The following TENM2 variants were observed in gnomAD, a reference collection of about 807,000 sequenced individuals.
TENM2 encodes the protein teneurin-2.
A neutral mutation model predicts 245.2 loss-of-function variants in TENM2; 52 were observed. The observed-to-expected ratio is 0.21, with a 90% CI of 0.17 to 0.27. The LOEUF (loss-of-function observed/expected upper bound fraction) is 0.27, where lower values mean the gene tolerates loss of function less well. TENM2 is among the 10% of genes least tolerant of loss of function. TENM2 has a pLI of 1.00. For missense variants in TENM2, 3,046 were observed against 3,666.8 expected (o/e 0.83, Z 4.37); for synonymous variants, 1,363 against 1,438.9 (o/e 0.95, Z 1.19).
chr5:168,084,849 C>G (rs914212277), intron 7 of TENM2, among the ~76,000 whole-genome samples: 2 of 152,232 alleles, frequency 1.3e-5, no homozygotes, highest in African/African-American at 4.8e-5. Flanking sequence ...TCCCTGTCCT[C>G]AGGCCAGCCT....
intron 2 of TENM2, among the ~76,000 whole-genome samples, chr5:167,632,944 A>G (rs796212947): frequency 3.3e-5 from 5 of 152,334 alleles, no homozygotes; most frequent in African/African-American, 1.2e-4. Context: ...TTTCTGAAGT[A>G]AAATGAACAG....
chr5:167,377,783 A>G (rs1760852853), intron 2 of TENM2, among the ~76,000 whole-genome samples: 1 of 152,144 alleles, frequency 6.6e-6, no homozygotes, highest in Admixed American at 6.5e-5. Flanking sequence ...ATGTATTATC[A>G]TATAGATTGA....
chr5:167,801,517 G>T (rs1429122026), intron 2 of TENM2, among the ~76,000 whole-genome samples: 1 of 152,080 alleles, frequency 6.6e-6, no homozygotes, highest in Non-Finnish European at 1.5e-5. Context: ...AGGATGGAGA[G>T]AATGGAGCTA....
intron 2 of TENM2, among the ~76,000 whole-genome samples, chr5:167,515,669 G>GTATATA: frequency 6.3e-5 from 5 of 78,826 alleles, no homozygotes; most frequent in African/African-American, 2.1e-4. Flanking sequence ...ACGTATATAT[G>GTATATA]TGTATATATA....
intron 2 of TENM2, among the ~76,000 whole-genome samples, chr5:167,526,176 T>G (rs968324489): frequency 6.6e-6 from 1 of 151,910 alleles, no homozygotes; most frequent in African/African-American, 2.4e-5. Flanking sequence ...GTCTAGTGCC[T>G]TCATGAACAG....
At chr5:167,847,435 A>G (rs1174725869) in intron 2 of TENM2, among the ~76,000 whole-genome samples, 1 of 152,188 alleles carries the variant, frequency 6.6e-6, no homozygotes, top group Non-Finnish European at 1.5e-5. Context: ...CATTTTTTCT[A>G]TCACTTCTAT....
At chr5:167,342,077 A>G (rs954891321) in intron 1 of TENM2, among the ~76,000 whole-genome samples, 3 of 152,224 alleles carry the variant, frequency 2.0e-5, no homozygotes, top group African/African-American at 4.8e-5. Context: ...ACATCTTGCA[A>G]TAGTATGGTG....
chr5:167,489,261 A>G (rs1276854871), intron 2 of TENM2, among the ~76,000 whole-genome samples: 1 of 152,236 alleles, frequency 6.6e-6, no homozygotes, highest in Non-Finnish European at 1.5e-5. Context: ...ATGCCTTACA[A>G]TGACCTATGC....
chr5:168,123,952 T>C (rs764968616), intron 10 of TENM2, among the ~76,000 whole-genome samples: 1 of 152,254 alleles, frequency 6.6e-6, no homozygotes, highest in East Asian at 1.9e-4. Flanking sequence ...CATATTCTCA[T>C]GCAAAAAGTC....
the TENM2 span, among the ~76,000 whole-genome samples, chr5:167,138,162 A>G: frequency 6.6e-6 from 1 of 152,258 alleles, no homozygotes; most frequent in African/African-American, 2.4e-5. Flanking sequence ...GAAAACAATC[A>G]AACAAGTGTT....
intron 2 of TENM2, among the ~76,000 whole-genome samples, chr5:167,499,622 C>A (rs1432346272): frequency 1.3e-5 from 2 of 152,130 alleles, no homozygotes; most frequent in Admixed American, 1.3e-4. Flanking sequence ...AGAAGACAAT[C>A]AGAATTAAAA....
intron 7 of TENM2, among the ~76,000 whole-genome samples, chr5:168,076,324 C>T (rs1791473672): frequency 6.6e-6 from 1 of 151,732 alleles, no homozygotes; most frequent in Admixed American, 6.6e-5. Context: ...CTCCCAGGTT[C>T]AAGCAATTCT....
the TENM2 span, among the ~76,000 whole-genome samples, chr5:167,055,398 A>G: frequency 2.0e-5 from 3 of 152,116 alleles, no homozygotes; most frequent in East Asian, 1.9e-4. Flanking sequence ...CCATTGATCT[A>G]TTTGTCCATT....
At chr5:167,155,731 C>T in the TENM2 span, among the ~76,000 whole-genome samples, 1 of 152,200 alleles carries the variant, frequency 6.6e-6, no homozygotes, top group South Asian at 2.1e-4. Context: ...TCAAGAATGC[C>T]CCTCTAAGTC....
At chr5:167,341,660 C>G (rs1334287527) in intron 1 of TENM2, among the ~76,000 whole-genome samples, 1 of 151,516 alleles carries the variant, frequency 6.6e-6, no homozygotes, top group East Asian at 1.9e-4. Flanking sequence ...GAAGATGAGG[C>G]TGTAGATCTC....
chr5:168,253,427 T>TC (rs1181258308), intron 27 of TENM2, among the ~76,000 whole-genome samples: 1 of 134,762 alleles, frequency 7.4e-6, no homozygotes, highest in Middle Eastern at 3.9e-3. Flanking sequence ...ATTCATTATT[T>TC]TATTTTTTTT....
intron 12 of TENM2, among the ~76,000 whole-genome samples, chr5:168,148,915 A>ATAGG (rs747131373): frequency 1.7e-5 from 2 of 115,906 alleles, no homozygotes; most frequent in Non-Finnish European, 3.7e-5. Flanking sequence ...AGATAGATAG[A>ATAGG]TAGATTGATA....
intron 2 of TENM2, among the ~76,000 whole-genome samples, chr5:167,698,702 G>C (rs1465321597): frequency 4.1e-5 from 1 of 24,176 alleles, no homozygotes; most frequent in Non-Finnish European, 9.5e-5. Context: ...TTTTTTTTTT[G>C]AGACATAATC....
intron 2 of TENM2, among the ~76,000 whole-genome samples, chr5:167,452,950 T>TTTTTTTTTTTTTTTAA (rs70976428): frequency 1.6e-4 from 16 of 99,630 alleles, no homozygotes; most frequent in African/African-American, 5.4e-4. Context: ...TATATATATA[T>TTTTTTTTTTTTTTTAA]ATATATATAT....
Sources: gnomAD v4.1 joint callset for allele counts (sites outside exome capture counted in the v4.1 genomes callset) on GRCh38, gnomAD v4.1.1 for gene constraint, MANE v1.5 for transcripts, NCBI Gene and HGNC (gene_info 2026-07-23, HGNC 2026-07-21) for gene names.